MYL4: variants seen among roughly 807,000 people sequenced by gnomAD.
MYL4 encodes the protein atrial myosin light chain 1.
MYL4 carries 16 observed loss-of-function variants against 21.6 expected under a neutral mutation model. That is an observed-to-expected ratio of 0.74 (90% CI 0.50 to 1.12). The LOEUF is 1.12. Among genes scored for constraint, MYL4 ranks in the 50% most tolerant of loss-of-function variants. MYL4 has a pLI of 0.00. For synonymous variants in MYL4, 82 were observed against 95.7 expected, an observed-to-expected ratio of 0.86 and a Z score of 0.83; for missense variants, 249 against 252.9, an observed-to-expected ratio of 0.98 and a Z score of 0.11.
chr17:47,190,416 T>G, the MYL4 span, among the ~76,000 whole-genome samples: 1 of 152,208 alleles, frequency 6.6e-6, no homozygotes, highest in Non-Finnish European at 1.5e-5. Flanking sequence ...AGGGGACTGT[T>G]TAAATTTTGT....
intron 2 of MYL4, 152 bp from the exon 3 acceptor site, chr17:47,219,752 C>T (rs377468205): frequency 1.6e-5 from 15 of 938,058 alleles, no homozygotes; most frequent in African/African-American, 4.9e-5. Context: ...AGGACGGGTT[C>T]GAGGGACGGC....
At chr17:47,201,134 A>G (rs956422788) in intron 1 of MYL4, among the ~76,000 whole-genome samples, 1 of 152,218 alleles carries the variant, frequency 6.6e-6, no homozygotes, top group African/African-American at 2.4e-5. Context: ...GAGCCACTGC[A>G]CTCCAGCCTG....
chr17:47,219,061 A>G (rs921819853), intron 2 of MYL4, among the ~76,000 whole-genome samples: 8 of 152,164 alleles, frequency 5.3e-5, no homozygotes, highest in East Asian at 3.9e-4. Flanking sequence ...TTGTATCTCC[A>G]CTTAGAGCTA....
At chr17:47,226,520 A>C (rs1010316684), downstream of MYL4, among the ~76,000 whole-genome samples, 1 of 152,274 alleles carries the variant, frequency 6.6e-6, no homozygotes, top group African/African-American at 2.4e-5. Flanking sequence ...AGGAGCTTTC[A>C]GTCTAGTGGG....
At chr17:47,209,590 G>A (rs2064757082) in intron 1 of MYL4, 33 bp downstream of exon 1, 1 of 1,614,196 alleles carries the variant, frequency 6.2e-7, no homozygotes, top group East Asian at 2.2e-5. Context: ...GATAGAGGTG[G>A]GGATGACATT....
At chr17:47,189,744 C>T in the MYL4 span, among the ~76,000 whole-genome samples, 1 of 152,324 alleles carries the variant, frequency 6.6e-6, no homozygotes, top group East Asian at 1.9e-4. Context: ...GAGTTTAGAT[C>T]ATTCGTCCAT....
At chr17:47,218,612 CCT>C in intron 2 of MYL4, among the ~76,000 whole-genome samples, 1 of 152,166 alleles carries the variant, frequency 6.6e-6, no homozygotes, top group East Asian at 1.9e-4. Flanking sequence ...ATGGTGAAAC[CCT>C]GTCTCTGCTA....
At chr17:47,198,109 G>C (rs960231758), upstream of MYL4, among the ~76,000 whole-genome samples, 13 of 152,322 alleles carry the variant, frequency 8.5e-5, no homozygotes, top group Admixed American at 2.0e-4. Flanking sequence ...AGAAAGACTA[G>C]GGGCTAGGAA....
intron 1 of MYL4, among the ~76,000 whole-genome samples, chr17:47,213,121 G>A (rs1291995834): frequency 6.6e-6 from 1 of 152,156 alleles, no homozygotes; most frequent in African/African-American, 2.4e-5. Flanking sequence ...AGAGATTGAA[G>A]GGGCAACAGT....
At position 47,219,941 on chromosome 17, in the gene MYL4, G is replaced by A. The variant is rs149036573; in HGVS notation, c.201G>A (p.Pro67=). ...CCTTTTCATTGTTTGACCGGACCCC[G>A]ACTGGAGAGATGAAGATCACCTACG... ...KEAFSLFDRT[P]TGEMKITYGQ... Residue 67 remains proline, a synonymous_variant, in exon 3 of 7, where the codon CCG becomes CCA. Coordinates refer to ENST00000393450, the MANE Select transcript of MYL4 (RefSeq NM_002476.2). The A allele has an allele frequency of 5.2e-5, 84 of 1,614,046 alleles. No homozygotes were observed. The highest frequency in any genetic ancestry group is 2.1e-4 in the African/African-American group (16 of 74,920).
intron 3 of MYL4, 80 bp from the exon 4 acceptor site, chr17:47,221,602 G>A (rs1023678573): frequency 2.0e-6 from 3 of 1,506,504 alleles, no homozygotes; most frequent in East Asian, 2.3e-5. Context: ...CAGACTTGGG[G>A]TGAGGCCCCC....
At chr17:47,204,914 T>G (rs551288056), upstream of MYL4, among the ~76,000 whole-genome samples, 3 of 152,182 alleles carry the variant, frequency 2.0e-5, no homozygotes, top group African/African-American at 7.2e-5. Flanking sequence ...TATGAGACAT[T>G]GGTCAGAGAA....
At chr17:47,204,464 C>T (rs1036754654), upstream of MYL4, among the ~76,000 whole-genome samples, 1 of 152,168 alleles carries the variant, frequency 6.6e-6, no homozygotes, top group Non-Finnish European at 1.5e-5. Context: ...TTGCTTTGTG[C>T]TAGACACTTT....
intron 4 of MYL4, 162 bp from the exon 5 acceptor site, chr17:47,222,218 C>T (rs961565321): frequency 5.1e-5 from 36 of 702,116 alleles, no homozygotes; most frequent in Admixed American, 2.0e-4. Flanking sequence ...ACCTTTAGAC[C>T]CTTGGCCGCA....
intron 1 of MYL4, among the ~76,000 whole-genome samples, chr17:47,209,999 G>T (rs941154662): frequency 7.2e-5 from 11 of 152,160 alleles, no homozygotes; most frequent in Non-Finnish European, 1.3e-4. Flanking sequence ...AAACAGTCAG[G>T]GAATATCCTC....
downstream of MYL4, among the ~76,000 whole-genome samples, chr17:47,226,112 T>C (rs1334614234): frequency 6.6e-6 from 1 of 152,198 alleles, no homozygotes; most frequent in Non-Finnish European, 1.5e-5. Context: ...TCCCAGTGAT[T>C]TGAAAACTGA....
chr17:47,222,885 C>G, intron 5 of MYL4, 129 bp from the exon 6 acceptor site: 1 of 1,153,132 alleles, frequency 8.7e-7, no homozygotes. Context: ...CAAATAAGAG[C>G]AGGAACTACA....
At chr17:47,221,990 G>A in intron 4 of MYL4, 135 bp downstream of exon 4, 1 of 1,030,228 alleles carries the variant, frequency 9.7e-7, no homozygotes, top group Non-Finnish European at 1.4e-6. Context: ...CCTGATCCAG[G>A]CCCTGTCTCC....
intron 2 of MYL4, among the ~76,000 whole-genome samples, chr17:47,214,751 T>C (rs1288970858): frequency 6.6e-6 from 1 of 152,242 alleles, no homozygotes; most frequent in Non-Finnish European, 1.5e-5. Flanking sequence ...TACACAAGTT[T>C]GTGTGTATGT....
Sources: allele counts gnomAD v4.1 joint callset (sites outside exome capture counted in the v4.1 genomes callset), GRCh38; gene constraint gnomAD v4.1.1; transcripts MANE v1.5; gene names NCBI Gene and HGNC (gene_info 2026-07-23, HGNC 2026-07-21).